Variants in CCDC178 observed in about 807,000 individuals in gnomAD.
CCDC178 encodes coiled-coil domain-containing protein 178.
A neutral mutation model predicts 117.4 loss-of-function variants in CCDC178; 126 were observed. That is an observed-to-expected ratio of 1.07 (90% CI 0.93 to 1.24). The LOEUF (loss-of-function observed/expected upper bound fraction) is 1.24, where lower values mean the gene tolerates loss of function less well. Ranked by LOEUF, CCDC178 falls within the 50% of genes most tolerant of loss-of-function variation. The pLI, the probability that CCDC178 is intolerant of heterozygous loss-of-function variation, is 0.00. For synonymous variants in CCDC178, 283 were observed against 313.4 expected, an observed-to-expected ratio of 0.90 and a Z score of 1.02; for missense variants, 1,030 against 986.9, an observed-to-expected ratio of 1.04 and a Z score of -0.59.
At chr18:33,005,009 G>C (rs1369263450) in intron 21 of CCDC178, among the ~76,000 whole-genome samples, 1 of 152,124 alleles carries the variant, frequency 6.6e-6, no homozygotes, top group Non-Finnish European at 1.5e-5. Flanking sequence ...TCTGCACACT[G>C]TTGGTGGGAA....
intron 11 of CCDC178, among the ~76,000 whole-genome samples, chr18:33,315,643 G>C (rs992524922): frequency 5.1e-4 from 78 of 152,266 alleles, no homozygotes; most frequent in African/African-American, 1.7e-3. Context: ...CCTCTAACAG[G>C]CCCCATATTG....
chr18:32,999,565 C>T (rs1384448440), intron 21 of CCDC178, among the ~76,000 whole-genome samples: 1 of 152,122 alleles, frequency 6.6e-6, no homozygotes, highest in Admixed American at 6.6e-5. Flanking sequence ...AGGTCTGACC[C>T]AGTGTGGTCC....
chr18:32,962,985 A>C (rs1568184224), intron 22 of CCDC178, among the ~76,000 whole-genome samples: 1 of 152,018 alleles, frequency 6.6e-6, no homozygotes, highest in Non-Finnish European at 1.5e-5. Context: ...AATTAGCCTG[A>C]TATTTCTGGA....
intron 3 of CCDC178, among the ~76,000 whole-genome samples, chr18:33,397,775 GAA>G (rs1341398608): frequency 1.3e-5 from 2 of 151,946 alleles, no homozygotes; most frequent in East Asian, 3.9e-4. Flanking sequence ...TTTTATAAAA[GAA>G]AAGACAGCAT....
At chr18:33,131,929 CCTTTT>C (rs1399794881) in intron 20 of CCDC178, among the ~76,000 whole-genome samples, 1 of 151,562 alleles carries the variant, frequency 6.6e-6, no homozygotes, top group Non-Finnish European at 1.5e-5. Context: ...AAATACTTCA[CCTTTT>C]CTTTTTTGTT....
intron 15 of CCDC178, among the ~76,000 whole-genome samples, chr18:33,234,419 T>C (rs749245753): frequency 6.6e-6 from 1 of 151,572 alleles, no homozygotes; most frequent in South Asian, 2.1e-4. Flanking sequence ...CGAAGACCAA[T>C]GAAACAAGCA....
chr18:32,948,095 C>T (rs957781031), intron 22 of CCDC178, among the ~76,000 whole-genome samples: 6 of 152,026 alleles, frequency 3.9e-5, no homozygotes, highest in African/African-American at 1.4e-4. Context: ...TTTTTGGTTA[C>T]TGTAACTTTA....
At chr18:33,071,935 A>G (rs2057116396) in intron 21 of CCDC178, among the ~76,000 whole-genome samples, 1 of 152,098 alleles carries the variant, frequency 6.6e-6, no homozygotes, top group African/African-American at 2.4e-5. Flanking sequence ...GAATAATATA[A>G]ATACACAAAA....
intron 11 of CCDC178, among the ~76,000 whole-genome samples, chr18:33,316,512 G>A (rs1259153073): frequency 6.6e-6 from 1 of 151,992 alleles, no homozygotes; most frequent in Non-Finnish European, 1.5e-5. Flanking sequence ...CCTCCCTGAC[G>A]AGCGCCGCCC....
intron 21 of CCDC178, among the ~76,000 whole-genome samples, chr18:33,034,605 T>G (rs2056407573): frequency 6.6e-6 from 1 of 152,044 alleles, no homozygotes; most frequent in Non-Finnish European, 1.5e-5. Context: ...AAAAGCTCTT[T>G]TTCCAACCAG....
chr18:33,001,659 G>A (rs1269139928), intron 21 of CCDC178, among the ~76,000 whole-genome samples: 1 of 151,902 alleles, frequency 6.6e-6, no homozygotes, highest in East Asian at 1.9e-4. Context: ...AAGAAAATGA[G>A]AGGACTAAGT....
At chr18:33,334,310 T>A (rs1486572245) in intron 9 of CCDC178, among the ~76,000 whole-genome samples, 1 of 152,090 alleles carries the variant, frequency 6.6e-6, no homozygotes, top group Non-Finnish European at 1.5e-5. Flanking sequence ...AGTGACAGCA[T>A]GCTATCAAAC....
At chr18:33,161,808 T>C (rs949321618) in intron 20 of CCDC178, among the ~76,000 whole-genome samples, 1 of 152,166 alleles carries the variant, frequency 6.6e-6, no homozygotes, top group Non-Finnish European at 1.5e-5. Flanking sequence ...TTTCTTAATC[T>C]AGTCTATCAT....
chr18:33,131,144 T>G (rs924585120), intron 20 of CCDC178, among the ~76,000 whole-genome samples: 2 of 151,932 alleles, frequency 1.3e-5, no homozygotes, highest in Non-Finnish European at 2.9e-5. Flanking sequence ...AATAGAATTT[T>G]AATGATAGAA....
intron 20 of CCDC178, among the ~76,000 whole-genome samples, chr18:33,116,088 C>T (rs1298303188): frequency 6.6e-6 from 1 of 152,000 alleles, no homozygotes; most frequent in Non-Finnish European, 1.5e-5. Flanking sequence ...AGGTAATTAT[C>T]AGGACCTGTG....
chr18:33,352,976 G>A (rs1277127950), intron 7 of CCDC178, among the ~76,000 whole-genome samples: 1 of 152,010 alleles, frequency 6.6e-6, no homozygotes, highest in African/African-American at 2.4e-5. Flanking sequence ...CTTCTGCTTA[G>A]TTCTTTTATC....
chr18:33,028,020 CT>C (rs2056262511), intron 21 of CCDC178, among the ~76,000 whole-genome samples: 3 of 151,570 alleles, frequency 2.0e-5, no homozygotes, highest in Non-Finnish European at 4.4e-5. Flanking sequence ...TAAAACACTG[CT>C]GAAGCAAATC....
intron 22 of CCDC178, among the ~76,000 whole-genome samples, chr18:32,939,322 GA>G (rs918038181): frequency 5.8e-4 from 83 of 143,640 alleles, no homozygotes; most frequent in African/African-American, 1.3e-3. Flanking sequence ...GAACATAACT[GA>G]AAAAAAAAAG....
At chr18:33,167,034 G>A (rs1207363394) in intron 20 of CCDC178, among the ~76,000 whole-genome samples, 1 of 152,082 alleles carries the variant, frequency 6.6e-6, no homozygotes, top group African/African-American at 2.4e-5. Context: ...GCAGTATTTG[G>A]TTTTCTGTTC....
Sources: allele counts gnomAD v4.1 joint callset (sites outside exome capture counted in the v4.1 genomes callset), GRCh38; gene constraint gnomAD v4.1.1; transcripts MANE v1.5; gene names NCBI Gene and HGNC (gene_info 2026-07-23, HGNC 2026-07-21).